Variants in FYB2 observed in about 807,000 individuals in gnomAD.
FYB2 encodes FYN-binding protein 2.
A neutral mutation model predicts 94.1 loss-of-function variants in FYB2; 103 were observed. That is an observed-to-expected ratio of 1.09 (90% CI 0.93 to 1.29). FYB2 has a LOEUF of 1.29. Among genes scored for constraint, FYB2 ranks in the 50% most tolerant of loss-of-function variants. The pLI, the probability that FYB2 is intolerant of heterozygous loss-of-function variation, is 0.00. For missense variants in FYB2, 896 were observed against 841.5 expected, an observed-to-expected ratio of 1.06 and a Z score of -0.80; for synonymous variants, 293 against 287.9, an observed-to-expected ratio of 1.02 and a Z score of -0.18.
At chr1:56,757,809 G>C (rs989200069) in intron 6 of FYB2, among the ~76,000 whole-genome samples, 36 of 143,300 alleles carry the variant, frequency 2.5e-4, no homozygotes, top group African/African-American at 9.0e-4. Context: ...TCTGTCTACT[G>C]CCCAGGCTAA....
rs1570161904 is a variant in FYB2 at position 56,790,095 on chromosome 1, A to C, written c.758-961T>G. On this transcript the variant is annotated intron_variant, in intron 2 of 19. Transcript: ENST00000343433. ...CATATCTGCCCTTTACAGTGAAAAT[A>C]GCACAAAATCTTATGTAATCCAACT... Among the ~76,000 whole-genome samples, 4 of 152,330 alleles carry C rather than the reference A, an allele frequency of 2.6e-5. No homozygotes were observed. The Middle Eastern group carries it at 0.014, about 522-fold the overall frequency.
At chr1:56,812,898 T>C (rs773628148) in intron 1 of FYB2, among the ~76,000 whole-genome samples, 7 of 152,236 alleles carry the variant, frequency 4.6e-5, no homozygotes, top group Non-Finnish European at 1.0e-4. Flanking sequence ...GCTAGGATTG[T>C]CACAGCAAGT....
chr1:56,823,291 G>A (rs1647002934), upstream of FYB2, among the ~76,000 whole-genome samples: 1 of 152,078 alleles, frequency 6.6e-6, no homozygotes, highest in Non-Finnish European at 1.5e-5. Flanking sequence ...GGTTGAGGGA[G>A]TGGACCATTA....
chr1:56,805,686 G>T (rs1461480787), intron 1 of FYB2, among the ~76,000 whole-genome samples: 2 of 152,108 alleles, frequency 1.3e-5, no homozygotes, highest in African/African-American at 2.4e-5. Flanking sequence ...TACCCAGTGG[G>T]AGGTAATTGA....
intron 4 of FYB2, among the ~76,000 whole-genome samples, chr1:56,774,393 C>T (rs1331970736): frequency 6.6e-6 from 1 of 152,110 alleles, no homozygotes; most frequent in African/African-American, 2.4e-5. Flanking sequence ...ACTTCTGCTT[C>T]CACTAGTACT....
upstream of FYB2, among the ~76,000 whole-genome samples, chr1:56,820,593 G>A (rs567105582): frequency 1.2e-4 from 19 of 152,286 alleles, no homozygotes; most frequent in Non-Finnish European, 2.4e-4. Flanking sequence ...AGGAGACCCC[G>A]CCTGAGGGCC....
Position 56,792,218 on chromosome 1 carries a change from G to C in FYB2, c.595C>G (p.His199Asp). Residue 199 changes from histidine to aspartate, a missense_variant, in exon 2 of 20, where the codon CAC (histidine) becomes GAC (aspartate). Coordinates refer to ENST00000343433, the MANE Select transcript of FYB2 (RefSeq NM_001004303.5). The stretch of plus-strand genomic sequence containing the variant: ...TGTAATATTTTGGGGGCCACCACGT[G>C]CTTCTGGGAAGGAAGAGTCTGGGCT... The part of the protein sequence containing the change: ...KGAQTLPSQK[H>D]VVAPKILHNV... The C allele has an allele frequency of 3.1e-6, 5 of 1,613,888 alleles. No homozygotes were observed. The highest frequency in any genetic ancestry group is 4.2e-6 in the Non-Finnish European group (5 of 1,179,936).
intron 15 of FYB2, among the ~76,000 whole-genome samples, 174 bp from the exon 16 acceptor site, chr1:56,726,757 A>G (rs551668370): frequency 1.7e-3 from 261 of 152,204 alleles, no homozygotes; most frequent in African/African-American, 5.9e-3. Flanking sequence ...TGCAGGCCAT[A>G]TTATCTCTAT....
At chr1:56,818,921 A>G (rs2101130756) in intron 1 of FYB2, among the ~76,000 whole-genome samples, 1 of 152,270 alleles carries the variant, frequency 6.6e-6, no homozygotes, top group Admixed American at 6.5e-5. Flanking sequence ...CAGAGGCCAG[A>G]TACAGTCCAC....
At chr1:56,728,206 C>A (rs899029438) in intron 15 of FYB2, among the ~76,000 whole-genome samples, 2 of 152,056 alleles carry the variant, frequency 1.3e-5, no homozygotes, top group African/African-American at 4.8e-5. Flanking sequence ...CCCTCTTACC[C>A]CTCCCTTTTC....
chr1:56,806,758 T>G (rs1423505842), intron 1 of FYB2, among the ~76,000 whole-genome samples: 1 of 120,366 alleles, frequency 8.3e-6, no homozygotes, highest in Non-Finnish European at 1.8e-5. Flanking sequence ...AACCAAAAAA[T>G]GCTATGGGTT....
intron 15 of FYB2, among the ~76,000 whole-genome samples, chr1:56,735,085 G>T (rs1168402051): frequency 6.6e-6 from 1 of 152,114 alleles, no homozygotes; most frequent in Non-Finnish European, 1.5e-5. Context: ...ACTATCATAT[G>T]ATTCAGCAGT....
rs1310128720 is a variant in FYB2, at chr1:56,718,999, G to GTAAT, written c.*668_*671dup. ...ATTTTGGACAAAAAGATGTTTTAAA[G>GTAAT]TAATACAGCATATATATTATTTTGT... On this transcript the variant is annotated 3_prime_UTR_variant, in exon 20 of 20. Transcript: ENST00000343433. 4 of 152,548 alleles carry GTAAT rather than the reference G, an allele frequency of 2.6e-5. No individual in the cohort carries two copies. The highest frequency in any genetic ancestry group is 9.6e-5 in the African/African-American group (4 of 41,550). 9.4% of individuals were successfully genotyped at this position (152,548 alleles called of 1,614,324 possible). A position where few individuals can be genotyped will look rare whatever the true frequency, so the allele number is the denominator to read the frequency against.
intron 15 of FYB2, among the ~76,000 whole-genome samples, chr1:56,733,128 C>G (rs923370820): frequency 2.6e-5 from 4 of 151,358 alleles, no homozygotes. Flanking sequence ...ACTCAAACAG[C>G]AAAACAGAAA....
Position 56,737,098 on chromosome 1 carries a change from T to A in FYB2, c.1782A>T (p.Glu594Asp), listed in dbSNP as rs376596404. Residue 594 changes from glutamate to aspartate, a missense_variant, in exon 15 of 20, where the codon GAA (glutamate) becomes GAT (aspartate). Physicochemically the swap from Glu to Asp is conservative, Grantham distance 45 (BLOSUM62 2). Coordinates refer to ENST00000343433, the MANE Select transcript of FYB2 (RefSeq NM_001004303.5). The part of the protein sequence containing the change: ...VIIYDDVDLS[E>D]KESKDEDKLK... ...GGTAAATTACTTACTTTGACTCTTT[T>A]TCACTCAGGTCTACATCATCATAAA... 6.2e-7 allele frequency: 1 copy of A among 1,605,456 alleles called. No homozygotes were observed. Among genetic ancestry groups the A allele is most frequent in the South Asian group, 1.1e-5 (1 of 90,286 alleles).
At chr1:56,813,925 T>C (rs1646824086) in intron 1 of FYB2, among the ~76,000 whole-genome samples, 1 of 152,196 alleles carries the variant, frequency 6.6e-6, no homozygotes, top group Non-Finnish European at 1.5e-5. Flanking sequence ...TCATGCTGGC[T>C]CAGAGTCTGT....
At chr1:56,797,132 G>C (rs1352655916) in intron 1 of FYB2, among the ~76,000 whole-genome samples, 1 of 152,180 alleles carries the variant, frequency 6.6e-6, no homozygotes, top group Non-Finnish European at 1.5e-5. Context: ...AGTCAGCCAA[G>C]CAAAGAACAG....
At chr1:56,771,821 T>C (rs993097520) in intron 4 of FYB2, among the ~76,000 whole-genome samples, 5 of 152,164 alleles carry the variant, frequency 3.3e-5, no homozygotes, top group Admixed American at 3.3e-4. Context: ...AGTGAAAAAG[T>C]TGGAGTTCTC....
chr1:56,740,260 C>A (rs1644920279), intron 13 of FYB2, among the ~76,000 whole-genome samples: 3 of 152,024 alleles, frequency 2.0e-5, no homozygotes, highest in Admixed American at 2.0e-4. Flanking sequence ...AGCTCATCTC[C>A]CCCTTCCACA....
Sources: gnomAD v4.1 joint callset for allele counts (sites outside exome capture counted in the v4.1 genomes callset) on GRCh38, gnomAD v4.1.1 for gene constraint, MANE v1.5 for transcripts, NCBI Gene and HGNC (gene_info 2026-07-23, HGNC 2026-07-21) for gene names.